RBFOX1: variants seen among roughly 807,000 people sequenced by gnomAD.
RBFOX1 encodes RNA binding protein fox-1 homolog 1.
In RBFOX1, 8 loss-of-function variants were observed where a neutral mutation model predicts 57.7. The ratio of observed to expected loss-of-function variants is 0.14; its 90% CI spans 0.08 to 0.25. The LOEUF (loss-of-function observed/expected upper bound fraction) is 0.25, where lower values mean the gene tolerates loss of function less well. Among genes scored for constraint, RBFOX1 ranks in the 10% least tolerant of loss-of-function variants. The pLI is 1.00. For missense variants in RBFOX1, 611 were observed against 548.5 expected, an observed-to-expected ratio of 1.11 and a Z score of -1.14; for synonymous variants, 326 against 222.4, an observed-to-expected ratio of 1.47 and a Z score of -4.15.
At position 6,684,840 on chromosome 16, in the gene RBFOX1, T is replaced by C. The variant is rs2059189123; in HGVS notation, c.-16+30190T>C. Among the ~76,000 whole-genome samples the C allele has an allele frequency of 2.0e-5, 3 of 152,238 alleles. No homozygotes were observed. The South Asian group carries it at 6.2e-4, about 31-fold the overall frequency. On this transcript the variant is annotated intron_variant, in intron 3 of 15. Coordinates refer to ENST00000550418, the MANE Select transcript of RBFOX1 (RefSeq NM_018723.4). Reference sequence around the variant, plus strand: ...TCTTTTTTCTCTTCTAGTTGTTACCTTTGTCTTTAGAGTGAGTAATCCTTC... The same window carrying C: ...TCTTTTTTCTCTTCTAGTTGTTACCCTTGTCTTTAGAGTGAGTAATCCTTC...
At chr16:6,373,981 T>C (rs2090844672) in intron 2 of RBFOX1, among the ~76,000 whole-genome samples, 1 of 152,236 alleles carries the variant, frequency 6.6e-6, no homozygotes, top group South Asian at 2.1e-4. Flanking sequence ...TATCTTTCGA[T>C]TCTTTGCATT....
chr16:7,610,541 A>T (rs1216623524), intron 10 of RBFOX1, among the ~76,000 whole-genome samples: 1 of 152,214 alleles, frequency 6.6e-6, no homozygotes, highest in Non-Finnish European at 1.5e-5. Context: ...CAAGTGTTAC[A>T]TGACAAATCT....
In RBFOX1 at chr16:7,410,728, C is replaced by A. The variant is rs151184010; in HGVS notation, c.28-107419C>A. Among the ~76,000 whole-genome samples, 356 of 152,140 alleles carry A rather than the reference C, an allele frequency of 2.3e-3. 5 individuals are homozygous for A. Among genetic ancestry groups the A allele is most frequent in the Admixed American group, 0.022 (339 of 15,268 alleles). On this transcript the variant is annotated intron_variant, in intron 4 of 15. Transcript: ENST00000550418. ...ACAAACTGAGGTCTCTTCTGTTAAC[C>A]CCTATCCTCCTCTCTTGGTTGGATA...
intron 1 of RBFOX1, among the ~76,000 whole-genome samples, chr16:6,020,822 C>T (rs2095059007): frequency 6.6e-6 from 1 of 152,182 alleles, no homozygotes; most frequent in Non-Finnish European, 1.5e-5. Flanking sequence ...GCTCCTGGAG[C>T]CTCCCTGGCG....
chr16:5,281,484 T>C (rs1567274603), intron 1 of RBFOX1, among the ~76,000 whole-genome samples: 1 of 152,174 alleles, frequency 6.6e-6, no homozygotes. Flanking sequence ...TCTTTGTTGA[T>C]TTTATATCTA....
At chr16:6,663,042 G>C (rs562837774) in intron 3 of RBFOX1, among the ~76,000 whole-genome samples, 3 of 152,148 alleles carry the variant, frequency 2.0e-5, no homozygotes, top group African/African-American at 7.2e-5. Context: ...TTTGCATTTT[G>C]TAAGTTTCAA....
At chr16:6,240,903 C>G (rs185620132) in intron 1 of RBFOX1, among the ~76,000 whole-genome samples, 88 of 152,298 alleles carry the variant, frequency 5.8e-4, no homozygotes, top group South Asian at 4.1e-3. Context: ...CCATTGACCT[C>G]TCCCTGTTCA....
rs1167357083 is a variant in RBFOX1, at chr16:6,487,689, AAAAAAAAAAAAATATATATATATATATAT to A, written c.-63-166912_-63-166884del. Reference sequence around the variant, plus strand: ...TGATATATGTAAAAAAAAAAAAAAAAAAAAAAAAAAAATATATATATATATATATATATATATATATATATATATATATA... The same window carrying A: ...TGATATATGTAAAAAAAAAAAAAAAAATATATATATATATATATATATATA... On this transcript the variant is annotated intron_variant, in intron 2 of 15. Transcript: ENST00000550418. 4.3e-4 allele frequency among the ~76,000 whole-genome samples: 5 copies of A among 11,676 alleles called. 1 individual carries two copies. Among genetic ancestry groups the A allele is most frequent in the African/African-American group, 9.9e-4 (5 of 5,076 alleles). 7.7% of individuals were successfully genotyped at this position (11,676 alleles called of 152,430 possible). A position where few individuals can be genotyped will look rare whatever the true frequency, so the allele number is the denominator to read the frequency against.
intron 1 of RBFOX1, among the ~76,000 whole-genome samples, chr16:5,317,269 C>A (rs8043774): frequency 6.6e-6 from 1 of 152,088 alleles, no homozygotes; most frequent in Non-Finnish European, 1.5e-5. Context: ...CTAGACAACC[C>A]TGACAAAATC....
At chr16:7,662,234 A>G (rs986429676) in intron 12 of RBFOX1, among the ~76,000 whole-genome samples, 3 of 152,164 alleles carry the variant, frequency 2.0e-5, no homozygotes, top group African/African-American at 4.8e-5. Context: ...CCATATTTAA[A>G]AGTATGTTTC....
chr16:6,608,781 CA>C (rs2097988784), intron 2 of RBFOX1, among the ~76,000 whole-genome samples: 1 of 152,112 alleles, frequency 6.6e-6, no homozygotes, highest in African/African-American at 2.4e-5. Context: ...CAAAAACAAA[CA>C]AAAACAGAAG....
chr16:7,604,248 A>G (rs1427556467), intron 9 of RBFOX1, among the ~76,000 whole-genome samples: 1 of 152,204 alleles, frequency 6.6e-6, no homozygotes, highest in Non-Finnish European at 1.5e-5. Flanking sequence ...TTTCATTCCC[A>G]TCGCAGAGTT....
At chr16:6,864,460 A>G (rs1444537455) in intron 3 of RBFOX1, among the ~76,000 whole-genome samples, 1 of 152,172 alleles carries the variant, frequency 6.6e-6, no homozygotes, top group South Asian at 2.1e-4. Flanking sequence ...ATCATGCCCG[A>G]AAAAGTATAA....
At chr16:5,432,435 G>A (rs112430209) in intron 1 of RBFOX1, among the ~76,000 whole-genome samples, 36 of 151,910 alleles carry the variant, frequency 2.4e-4, no homozygotes, top group African/African-American at 7.2e-4. Context: ...TTTATTGTCC[G>A]TCATTATCCC....
At chr16:6,121,222 G>A (rs1398264576) in intron 1 of RBFOX1, among the ~76,000 whole-genome samples, 1 of 152,160 alleles carries the variant, frequency 6.6e-6, no homozygotes, top group Non-Finnish European at 1.5e-5. Context: ...AGACACGCCT[G>A]AAGAGCTGGT....
At chr16:6,708,591 G>A (rs575888201) in intron 3 of RBFOX1, among the ~76,000 whole-genome samples, 1 of 152,208 alleles carries the variant, frequency 6.6e-6, no homozygotes, top group African/African-American at 2.4e-5. Context: ...TTTACTGAAG[G>A]GAAATAGAAC....
chr16:5,556,522 G>A (rs1004706380), intron 2 of RBFOX1, among the ~76,000 whole-genome samples: 2 of 152,206 alleles, frequency 1.3e-5, no homozygotes, highest in Admixed American at 1.3e-4. Flanking sequence ...CTCAATGCTT[G>A]TTGGTAAGTA....
intron 14 of RBFOX1, among the ~76,000 whole-genome samples, chr16:7,680,786 A>G (rs2074529793): frequency 1.3e-5 from 2 of 152,196 alleles, no homozygotes. Context: ...CAAAAATGAC[A>G]TATTGGCTCT....
At chr16:6,813,604 A>G (rs2089317015) in intron 3 of RBFOX1, among the ~76,000 whole-genome samples, 1 of 152,172 alleles carries the variant, frequency 6.6e-6, no homozygotes, top group Non-Finnish European at 1.5e-5. Flanking sequence ...CTCTCTCCAC[A>G]GGTGGCTCAA....
Sources: allele counts gnomAD v4.1 joint callset (sites outside exome capture counted in the v4.1 genomes callset), GRCh38; gene constraint gnomAD v4.1.1; transcripts MANE v1.5; gene names NCBI Gene and HGNC (gene_info 2026-07-23, HGNC 2026-07-21).